Variants in SGCD observed in about 807,000 individuals in gnomAD.
SGCD encodes sarcoglycan delta.
SGCD carries 18 observed loss-of-function variants against 36.6 expected under a neutral mutation model. That is an observed-to-expected ratio of 0.49 (90% CI 0.34 to 0.73). SGCD has a LOEUF of 0.73. Among genes scored for constraint, SGCD ranks in the 30% least tolerant of loss-of-function variants. SGCD has a pLI of 0.01. For synonymous variants in SGCD, 133 were observed against 130.6 expected, an observed-to-expected ratio of 1.02 and a Z score of -0.12; for missense variants, 387 against 346.7, an observed-to-expected ratio of 1.12 and a Z score of -0.92.
intron 4 of SGCD, among the ~76,000 whole-genome samples, chr5:156,544,445 C>G (rs1041058597): frequency 2.0e-5 from 3 of 152,084 alleles, no homozygotes; most frequent in South Asian, 4.1e-4. Flanking sequence ...GTGAGAATTG[C>G]CACTCAGCCA....
intron 3 of SGCD, among the ~76,000 whole-genome samples, chr5:156,201,863 A>C (rs1217142817): frequency 6.6e-6 from 1 of 152,144 alleles, no homozygotes; most frequent in Non-Finnish European, 1.5e-5. Context: ...TATAAATGTC[A>C]GAGTTGGTGT....
At chr5:156,208,542 G>A (rs1008122308) in intron 3 of SGCD, among the ~76,000 whole-genome samples, 2 of 152,146 alleles carry the variant, frequency 1.3e-5, no homozygotes, top group East Asian at 3.8e-4. Flanking sequence ...CCAAAGGATT[G>A]GGGGTTATCT....
chr5:155,915,317 C>T (rs574572209), intron 1 of SGCD, among the ~76,000 whole-genome samples: 5 of 152,170 alleles, frequency 3.3e-5, no homozygotes, highest in South Asian at 2.1e-4. Flanking sequence ...TAAGGTTTTT[C>T]GTTCCCCAAG....
At chr5:155,996,465 A>T (rs1758546434) in intron 1 of SGCD, among the ~76,000 whole-genome samples, 1 of 152,138 alleles carries the variant, frequency 6.6e-6, no homozygotes, top group Non-Finnish European at 1.5e-5. Context: ...ATTGTTTCTA[A>T]TTTTATATAT....
intron 3 of SGCD, among the ~76,000 whole-genome samples, chr5:156,274,940 A>G (rs1464236184): frequency 2.0e-5 from 3 of 152,168 alleles, no homozygotes; most frequent in Non-Finnish European, 4.4e-5. Flanking sequence ...TAAGGACTGT[A>G]TTGAAGGATA....
At chr5:156,490,803 G>C (rs1374806134) in intron 3 of SGCD, among the ~76,000 whole-genome samples, 1 of 151,982 alleles carries the variant, frequency 6.6e-6, no homozygotes, top group African/African-American at 2.4e-5. Flanking sequence ...AAAAAGACAA[G>C]GATGCCCACT....
At chr5:155,826,870 G>A in the SGCD span, among the ~76,000 whole-genome samples, 17,742 of 152,156 alleles carry the variant, frequency 0.12, 2,146 homozygotes, top group African/African-American at 0.31. Context: ...CCATGAAAGG[G>A]CTACAACCAG....
chr5:156,380,996 A>AATG (rs1289285117), intron 3 of SGCD, among the ~76,000 whole-genome samples: 2 of 152,178 alleles, frequency 1.3e-5, no homozygotes, highest in Non-Finnish European at 2.9e-5. Flanking sequence ...ATTGAGAGTA[A>AATG]ATGATGAAAT....
chr5:156,749,923 A>ATTATAGAACACACTCT (rs1757089178), intron 7 of SGCD, among the ~76,000 whole-genome samples: 1 of 152,140 alleles, frequency 6.6e-6, no homozygotes, highest in Non-Finnish European at 1.5e-5. Flanking sequence ...AGAAAGAAAA[A>ATTATAGAACACACTCT]TTATAGAACA....
intron 7 of SGCD, among the ~76,000 whole-genome samples, chr5:156,665,201 T>A (rs1269396913): frequency 6.6e-6 from 1 of 152,218 alleles, no homozygotes; most frequent in Non-Finnish European, 1.5e-5. Context: ...GGTTGTAATC[T>A]TACGGGCACC....
At chr5:156,061,386 A>G (rs1427651472) in intron 1 of SGCD, among the ~76,000 whole-genome samples, 3 of 146,160 alleles carry the variant, frequency 2.1e-5, no homozygotes, top group Non-Finnish European at 4.6e-5. Flanking sequence ...TCTAATTCCT[A>G]TAGGCTCCCT....
chr5:156,108,267 C>T (rs115827395), intron 1 of SGCD, among the ~76,000 whole-genome samples: 3 of 152,054 alleles, frequency 2.0e-5, no homozygotes, highest in Non-Finnish European at 2.9e-5. Flanking sequence ...CTTTGCATTT[C>T]GTAACATTAC....
intron 3 of SGCD, 103 bp downstream of exon 3, chr5:156,344,780 C>CA: frequency 1.2e-6 from 1 of 828,054 alleles, no homozygotes; most frequent in Non-Finnish European, 1.9e-6. Context: ...CAGTAGGACT[C>CA]AAAAAATCTG....
At chr5:156,610,976 C>A (rs986308968) in intron 6 of SGCD, among the ~76,000 whole-genome samples, 4 of 152,260 alleles carry the variant, frequency 2.6e-5, no homozygotes, top group African/African-American at 9.6e-5. Flanking sequence ...AATTCCCTGA[C>A]CCCTTGCGCT....
chr5:156,098,637 T>TATAC (rs1554119468), intron 1 of SGCD, among the ~76,000 whole-genome samples: 23 of 119,324 alleles, frequency 1.9e-4, no homozygotes, highest in African/African-American at 9.2e-4. Flanking sequence ...GTTGCATGTG[T>TATAC]ATACACACAC....
intron 1 of SGCD, among the ~76,000 whole-genome samples, chr5:156,004,790 A>G (rs1758725798): frequency 6.6e-6 from 1 of 152,260 alleles, no homozygotes; most frequent in Non-Finnish European, 1.5e-5. Flanking sequence ...CTTTAAATAA[A>G]TAAACACACG....
chr5:156,364,148 A>G (rs541776481), intron 3 of SGCD, among the ~76,000 whole-genome samples: 2 of 151,668 alleles, frequency 1.3e-5, no homozygotes, highest in Non-Finnish European at 2.9e-5. Context: ...TCAGAACTGA[A>G]TCTACTGAGT....
chr5:156,168,011 G>A (rs1042999999), intron 3 of SGCD, among the ~76,000 whole-genome samples: 1 of 152,208 alleles, frequency 6.6e-6, no homozygotes, highest in African/African-American at 2.4e-5. Flanking sequence ...CCTTGAGCAA[G>A]TGGCTTAAAC....
intron 4 of SGCD, among the ~76,000 whole-genome samples, chr5:156,579,815 G>A (rs10263974): frequency 1.8e-4 from 27 of 152,240 alleles, no homozygotes; most frequent in Non-Finnish European, 2.9e-4. Context: ...GTCTGTGCAC[G>A]TGAGGTGGGT....
Sources: allele counts gnomAD v4.1 joint callset (sites outside exome capture counted in the v4.1 genomes callset), GRCh38; gene constraint gnomAD v4.1.1; transcripts MANE v1.5; gene names NCBI Gene and HGNC (gene_info 2026-07-23, HGNC 2026-07-21).